Variants in EXOC4 observed in about 807,000 individuals in gnomAD.
EXOC4 encodes the protein SEC8-like 1.
Under a neutral mutation model 107.2 loss-of-function variants are expected in EXOC4, and 71 were observed. That is an observed-to-expected ratio of 0.66 (90% CI 0.55 to 0.81). The LOEUF (loss-of-function observed/expected upper bound fraction) is 0.81, where lower values mean the gene tolerates loss of function less well. Ranked by LOEUF, EXOC4 falls within the 30% of genes least tolerant of loss-of-function variation. The pLI, the probability that EXOC4 is intolerant of heterozygous loss-of-function variation, is 0.00. For missense variants in EXOC4, 1,108 were observed against 1,189.6 expected, an observed-to-expected ratio of 0.93 and a Z score of 1.01; for synonymous variants, 456 against 441.2, an observed-to-expected ratio of 1.03 and a Z score of -0.42.
At chr7:133,444,631 G>C (rs1798177891) in intron 7 of EXOC4, among the ~76,000 whole-genome samples, 1 of 152,154 alleles carries the variant, frequency 6.6e-6, no homozygotes, top group Non-Finnish European at 1.5e-5. Flanking sequence ...TTAAAGCTAG[G>C]GTGGTCAGCA....
At chr7:133,378,205 G>A (rs375878380) in intron 7 of EXOC4, among the ~76,000 whole-genome samples, 1 of 151,710 alleles carries the variant, frequency 6.6e-6, no homozygotes, top group Non-Finnish European at 1.5e-5. Context: ...CAGCTACTCC[G>A]GAAGCTGAGG....
At chr7:134,057,198 A>C (rs3735049) in intron 17 of EXOC4, among the ~76,000 whole-genome samples, 105,945 of 151,962 alleles carry the variant, frequency 0.7, 38,195 homozygotes, top group African/African-American at 0.88. Flanking sequence ...ATCAAAGAAG[A>C]CCGAGCAAGC....
chr7:134,055,087 G>T (rs777882706), intron 17 of EXOC4, among the ~76,000 whole-genome samples: 6 of 152,110 alleles, frequency 3.9e-5, no homozygotes, highest in Admixed American at 1.3e-4. Flanking sequence ...ATATGTTTAC[G>T]CTTCTCAAAT....
At chr7:133,939,789 A>G (rs894108786) in intron 14 of EXOC4, among the ~76,000 whole-genome samples, 1 of 152,216 alleles carries the variant, frequency 6.6e-6, no homozygotes. Context: ...CAGATTTTAC[A>G]TAAGGAGGTA....
chr7:133,395,703 A>G (rs1008413977), intron 7 of EXOC4, among the ~76,000 whole-genome samples: 3 of 152,168 alleles, frequency 2.0e-5, no homozygotes, highest in African/African-American at 7.2e-5. Flanking sequence ...CTGTATTTAG[A>G]AAGAAAAAGA....
chr7:133,610,386 T>A (rs1802049147), intron 9 of EXOC4, among the ~76,000 whole-genome samples: 1 of 152,224 alleles, frequency 6.6e-6, no homozygotes, highest in African/African-American at 2.4e-5. Flanking sequence ...GAAGAAACTG[T>A]CTCATAAGAA....
chr7:133,422,310 TG>T (rs1228884290), intron 7 of EXOC4, among the ~76,000 whole-genome samples: 1 of 152,222 alleles, frequency 6.6e-6, no homozygotes, highest in African/African-American at 2.4e-5. Flanking sequence ...TGAAGTTATT[TG>T]ATTTCTTGAT....
chr7:133,498,844 C>G (rs1799526460), intron 9 of EXOC4, among the ~76,000 whole-genome samples: 1 of 152,184 alleles, frequency 6.6e-6, no homozygotes, highest in Non-Finnish European at 1.5e-5. Context: ...TTTTGAAAAT[C>G]ATAACCTTGT....
At chr7:133,474,619 T>C (rs1380919734) in intron 7 of EXOC4, among the ~76,000 whole-genome samples, 13 of 152,230 alleles carry the variant, frequency 8.5e-5, no homozygotes, top group East Asian at 1.9e-4. Context: ...AGCTAGTAGT[T>C]GATTTTTTAA....
chr7:133,490,427 G>A (rs1412890910), intron 9 of EXOC4, among the ~76,000 whole-genome samples: 1 of 152,134 alleles, frequency 6.6e-6, no homozygotes, highest in Non-Finnish European at 1.5e-5. Context: ...GCATCTATAA[G>A]TATTTAAAGC....
intron 10 of EXOC4, among the ~76,000 whole-genome samples, chr7:133,666,840 T>C (rs1326656066): frequency 3.9e-5 from 6 of 152,194 alleles, no homozygotes; most frequent in Admixed American, 3.9e-4. Context: ...TTTTTCCTTC[T>C]TCAACTCTGT....
chr7:133,922,393 A>G (rs1799955459), intron 13 of EXOC4, among the ~76,000 whole-genome samples: 1 of 152,136 alleles, frequency 6.6e-6, no homozygotes, highest in Non-Finnish European at 1.5e-5. Context: ...GACCTTATAT[A>G]AATGGAATCA....
At chr7:133,762,468 T>C (rs1460623373) in intron 10 of EXOC4, among the ~76,000 whole-genome samples, 1 of 152,182 alleles carries the variant, frequency 6.6e-6, no homozygotes, top group African/African-American at 2.4e-5. Context: ...AGTCCTATAC[T>C]TTCCTGGTTT....
At chr7:133,721,255 C>T (rs2151106533) in intron 10 of EXOC4, among the ~76,000 whole-genome samples, 1 of 152,250 alleles carries the variant, frequency 6.6e-6, no homozygotes, top group Non-Finnish European at 1.5e-5. Flanking sequence ...TTCCCATACT[C>T]ATAGGAACTT....
At chr7:133,996,950 G>A (rs1197503895) in intron 14 of EXOC4, among the ~76,000 whole-genome samples, 2 of 152,234 alleles carry the variant, frequency 1.3e-5, no homozygotes, top group Admixed American at 1.3e-4. Context: ...TGACTCATGT[G>A]TGAAGGATTA....
At chr7:133,543,276 C>G (rs778365973) in intron 9 of EXOC4, among the ~76,000 whole-genome samples, 2 of 151,996 alleles carry the variant, frequency 1.3e-5, no homozygotes, top group African/African-American at 4.8e-5. Context: ...TTTTAGGTTT[C>G]TGTTCAATAT....
intron 9 of EXOC4, among the ~76,000 whole-genome samples, chr7:133,582,224 T>C (rs1481809521): frequency 6.6e-6 from 1 of 152,182 alleles, no homozygotes; most frequent in East Asian, 1.9e-4. Flanking sequence ...AAGAACATAA[T>C]GTGGTATTTG....
intron 9 of EXOC4, among the ~76,000 whole-genome samples, chr7:133,493,586 A>G (rs1799417691): frequency 6.6e-6 from 1 of 152,194 alleles, no homozygotes; most frequent in Admixed American, 6.5e-5. Flanking sequence ...TTAATGAACC[A>G]ATAAGCCTGT....
At chr7:133,469,371 G>A (rs1258621983) in intron 7 of EXOC4, among the ~76,000 whole-genome samples, 4 of 152,056 alleles carry the variant, frequency 2.6e-5, no homozygotes, top group African/African-American at 4.8e-5. Flanking sequence ...AGCCGAGATC[G>A]TGCCACTGCA....
Sources: gnomAD v4.1 joint callset for allele counts (sites outside exome capture counted in the v4.1 genomes callset) on GRCh38, gnomAD v4.1.1 for gene constraint, MANE v1.5 for transcripts, NCBI Gene and HGNC (gene_info 2026-07-23, HGNC 2026-07-21) for gene names.